RCSD1: variants seen among roughly 807,000 people sequenced by gnomAD.
The protein encoded by RCSD1 is capZ-interacting protein.
In RCSD1, 26 loss-of-function variants were observed where a neutral mutation model predicts 42.5. The observed-to-expected ratio is 0.61, with a 90% CI of 0.45 to 0.85. The LOEUF is 0.85. Among genes scored for constraint, RCSD1 ranks in the 40% least tolerant of loss-of-function variants. The pLI is 0.00. For synonymous variants in RCSD1, 220 were observed against 212.2 expected, an observed-to-expected ratio of 1.04 and a Z score of -0.32; for missense variants, 571 against 528.3, an observed-to-expected ratio of 1.08 and a Z score of -0.79.
Position 167,697,612 on chromosome 1 carries a change from G to A in RCSD1, c.988G>A (p.Glu330Lys). ...ERVQNEEVGPEHDSQETKKLE... is the reference protein window; with the variant it reads ...ERVQNEEVGPKHDSQETKKLE... ...GGTGCAAAATGAAGAGGTGGGACCT[G>A]AACATGACAGCCAAGAAACAAAGAA... The change falls in exon 6 of 7, where the codon GAA becomes AAA. Residue 330 changes from glutamate to lysine, a missense_variant. Transcript: ENST00000367854. The A allele has an allele frequency of 6.2e-7, 1 of 1,607,440 alleles. No individual in the cohort carries two copies. Among genetic ancestry groups the A allele is most frequent in the Non-Finnish European group, 8.5e-7 (1 of 1,177,072 alleles).
chr1:167,668,227 G>C (rs1658707566), intron 1 of RCSD1, among the ~76,000 whole-genome samples: 1 of 151,844 alleles, frequency 6.6e-6, no homozygotes, highest in African/African-American at 2.4e-5. Flanking sequence ...GGAGGTTGCA[G>C]TAAGCTGAGA....
At chr1:167,696,798 G>A (rs76483171) in intron 5 of RCSD1, among the ~76,000 whole-genome samples, 5,377 of 152,116 alleles carry the variant, frequency 0.035, 331 homozygotes, top group African/African-American at 0.12. Flanking sequence ...ATTAGACACC[G>A]AACTGATTAA....
At chr1:167,683,130 C>T (rs1362197948) in intron 1 of RCSD1, among the ~76,000 whole-genome samples, 6 of 152,192 alleles carry the variant, frequency 3.9e-5, no homozygotes, top group Admixed American at 2.0e-4. Flanking sequence ...GGGACAGCCA[C>T]GGTAAACTGA....
intron 1 of RCSD1, among the ~76,000 whole-genome samples, chr1:167,655,373 T>A (rs556037392): frequency 6.6e-6 from 1 of 152,226 alleles, no homozygotes; most frequent in Non-Finnish European, 1.5e-5. Context: ...TTTTTTTCTC[T>A]CCTCTTTTAT....
chr1:167,672,723 C>T (rs2102222963), intron 1 of RCSD1, among the ~76,000 whole-genome samples: 1 of 152,314 alleles, frequency 6.6e-6, no homozygotes, highest in Admixed American at 6.5e-5. Context: ...TTCCTCATTG[C>T]CATTTAATCT....
intron 5 of RCSD1, among the ~76,000 whole-genome samples, chr1:167,696,168 C>T (rs956216219): frequency 6.6e-6 from 1 of 151,026 alleles, no homozygotes; most frequent in Non-Finnish European, 1.5e-5. Context: ...AGGGCCTGGC[C>T]GTCAGCAGGT....
intron 4 of RCSD1, among the ~76,000 whole-genome samples, chr1:167,690,375 C>T (rs1268179312): frequency 2.6e-5 from 4 of 152,022 alleles, no homozygotes; most frequent in Non-Finnish European, 5.9e-5. Flanking sequence ...TGATGGGTAA[C>T]GGGATACCTC....
intron 1 of RCSD1, among the ~76,000 whole-genome samples, chr1:167,667,137 C>T (rs763538975): frequency 2.4e-4 from 37 of 151,638 alleles, no homozygotes; most frequent in African/African-American, 7.1e-4. Flanking sequence ...GGGAGGGGGC[C>T]GCCTCATTGT....
Position 167,697,296 on chromosome 1 carries a change from G to A in RCSD1, c.672G>A (p.Ala224=), listed in dbSNP as rs149253367. The A allele has an allele frequency of 5.9e-5, 95 of 1,614,138 alleles. No individual in the cohort carries two copies. The African/African-American group carries it at 1.0e-3, about 17-fold the overall frequency. The change falls in exon 6 of 7, where the codon GCG becomes GCA. Residue 224 remains alanine, a synonymous_variant. Transcript: ENST00000367854. ...PGSPLSSEGA[A]GEGVRTLGPA... Reference sequence around the variant, plus strand: ...CCCCTTTGTCCAGTGAGGGAGCAGCGGGAGAGGGAGTGAGAACCCTGGGAC... The same window carrying A: ...CCCCTTTGTCCAGTGAGGGAGCAGCAGGAGAGGGAGTGAGAACCCTGGGAC...
At chr1:167,698,608 C>T (rs985060694) in intron 6 of RCSD1, among the ~76,000 whole-genome samples, 6 of 152,138 alleles carry the variant, frequency 3.9e-5, no homozygotes. Context: ...CTTGAGCTCA[C>T]CTATCTATGC....
Position 167,704,944 on chromosome 1 carries a change from G to C in RCSD1, c.*248G>C. ...GAGTTTATGTCATTTGATGGACTTG[G>C]TTCAACAACAAGAACTTACTTAAAA... On this transcript the variant is annotated 3_prime_UTR_variant, in exon 7 of 7. Transcript: ENST00000367854. 1 of 466,152 alleles carries C rather than the reference G, an allele frequency of 2.1e-6. No individual in the cohort carries two copies. Among genetic ancestry groups the C allele is most frequent in the Non-Finnish European group, 4.0e-6 (1 of 251,622 alleles). The allele number at this position is 466,152 out of a possible 1,614,324, so 28.9% of individuals were successfully genotyped here. A position where few individuals can be genotyped will look rare whatever the true frequency, so the allele number is the denominator to read the frequency against.
intron 1 of RCSD1, among the ~76,000 whole-genome samples, chr1:167,655,255 A>C (rs1658398005): frequency 6.6e-6 from 1 of 152,146 alleles, no homozygotes; most frequent in African/African-American, 2.4e-5. Flanking sequence ...GTCCAGGCCC[A>C]TCTCTGCCTG....
At chr1:167,699,459 A>G (rs1224009549) in intron 6 of RCSD1, among the ~76,000 whole-genome samples, 1 of 151,874 alleles carries the variant, frequency 6.6e-6, no homozygotes, top group African/African-American at 2.4e-5. Context: ...GCTGCAATTC[A>G]TGGCATCTCT....
At chr1:167,681,776 C>A (rs1361089519) in intron 1 of RCSD1, among the ~76,000 whole-genome samples, 1 of 152,182 alleles carries the variant, frequency 6.6e-6, no homozygotes, top group East Asian at 1.9e-4. Flanking sequence ...ATGGACAAAC[C>A]AATCAGCCAG....
chr1:167,673,178 A>G (rs538264064), intron 1 of RCSD1, among the ~76,000 whole-genome samples: 6 of 152,340 alleles, frequency 3.9e-5, no homozygotes, highest in South Asian at 4.2e-4. Flanking sequence ...AATTATAAGA[A>G]GAAGAGAAGA....
intron 3 of RCSD1, among the ~76,000 whole-genome samples, chr1:167,687,097 G>C (rs1659251747): frequency 6.6e-6 from 1 of 152,216 alleles, no homozygotes; most frequent in South Asian, 2.1e-4. Context: ...TCACCCAGAA[G>C]TTAAATGGCT....
Position 167,689,368 on chromosome 1 carries a change from G to A in RCSD1, c.199-681G>A, listed in dbSNP as rs185437968. 7.9e-5 allele frequency among the ~76,000 whole-genome samples: 12 copies of A among 151,820 alleles called. No individual in the cohort carries two copies. In the East Asian group the frequency reaches 1.6e-3, roughly 20 times the overall value. On this transcript the variant is annotated intron_variant, in intron 3 of 6. Coordinates refer to ENST00000367854, the MANE Select transcript of RCSD1 (RefSeq NM_052862.4). The stretch of plus-strand genomic sequence containing the variant: ...ATGGTGGTGCATGCCTGTAATTCCA[G>A]CTACTTGGGAGGCAGAGACAGGAGA...
intron 1 of RCSD1, among the ~76,000 whole-genome samples, chr1:167,656,627 C>G (rs1026550316): frequency 1.3e-5 from 2 of 152,186 alleles, no homozygotes; most frequent in African/African-American, 4.8e-5. Flanking sequence ...TGGGCTAGAG[C>G]TGAGGAACAG....
chr1:167,634,561 T>C (rs1012527957), intron 1 of RCSD1, among the ~76,000 whole-genome samples: 12 of 152,198 alleles, frequency 7.9e-5, no homozygotes, highest in Non-Finnish European at 1.6e-4. Flanking sequence ...AAGAAGGAGC[T>C]GGAGGCGTAT....
Sources: gnomAD v4.1 joint callset for allele counts (sites outside exome capture counted in the v4.1 genomes callset) on GRCh38, gnomAD v4.1.1 for gene constraint, MANE v1.5 for transcripts, NCBI Gene and HGNC (gene_info 2026-07-23, HGNC 2026-07-21) for gene names.